The following UPRT variants were observed in gnomAD, a reference collection of about 807,000 sequenced individuals.
The protein encoded by UPRT is uracil phosphoribosyltransferase homolog.
UPRT carries 5 observed loss-of-function variants against 22.6 expected under a neutral mutation model. The observed-to-expected ratio is 0.22, with a 90% CI of 0.12 to 0.47. The LOEUF is 0.47. Ranked by LOEUF, UPRT falls within the 20% of genes least tolerant of loss-of-function variation. The pLI is 0.99. For synonymous variants in UPRT, 77 were observed against 87.7 expected (o/e 0.88, Z 0.68); for missense variants, 181 against 239.9 (o/e 0.75, Z 1.62).
rs1391892039 is a variant in UPRT, at chrX:75,268,957, G to A, written c.-446-22067G>A. Among the ~76,000 whole-genome samples the A allele has an allele frequency of 3.6e-5, 4 of 111,403 alleles. No homozygotes were observed. The Admixed American group carries it at 3.8e-4, about 11-fold the overall frequency. ...TAAAGGGTATTCAAATAGGAACAGA[G>A]GAAGTCAAATTGTCTCCGTCTGCAG... On this transcript the variant is annotated intron_variant, in intron 4 of 13. Transcript: ENST00000652605.
At chrX:75,277,922 C>T (rs182042159) in intron 1 of UPRT, among the ~76,000 whole-genome samples, 2 of 111,374 alleles carry the variant, frequency 1.8e-5, no homozygotes, top group Admixed American at 9.6e-5. Flanking sequence ...TTGTCATCCT[C>T]TCTCACAAGA....
intron 4 of UPRT, among the ~76,000 whole-genome samples, chrX:75,238,817 T>G (rs1479788510): frequency 9.0e-6 from 1 of 111,724 alleles, no homozygotes; most frequent in Non-Finnish European, 1.9e-5. Context: ...TAGGAACCCT[T>G]AAAAGTATAC....
intron 4 of UPRT, among the ~76,000 whole-genome samples, chrX:75,169,313 T>C (rs979952604): frequency 1.2e-4 from 13 of 112,353 alleles, no homozygotes; most frequent in African/African-American, 4.2e-4. Flanking sequence ...GATTGCTGGA[T>C]CAAATGGTAG....
At chrX:75,210,463 A>T (rs2082377365) in intron 4 of UPRT, among the ~76,000 whole-genome samples, 1 of 110,324 alleles carries the variant, frequency 9.1e-6, no homozygotes, top group East Asian at 2.9e-4. Flanking sequence ...GGAGAAGGGA[A>T]CATGAGCTCA....
chrX:75,158,051 C>A (rs1014118758), intron 1 of UPRT, among the ~76,000 whole-genome samples: 10 of 112,042 alleles, frequency 8.9e-5, no homozygotes, highest in African/African-American at 3.2e-4. Context: ...TTATTTTTTT[C>A]CAAAAGTAGT....
chrX:75,234,261 T>C (rs1490779819), intron 4 of UPRT, among the ~76,000 whole-genome samples: 1 of 111,218 alleles, frequency 9.0e-6, no homozygotes, highest in East Asian at 2.8e-4. Context: ...ATGCACCCAA[T>C]ACAGGAGCAC....
intron 4 of UPRT, among the ~76,000 whole-genome samples, chrX:75,173,444 C>G (rs1173436556): frequency 1.8e-5 from 2 of 112,231 alleles, no homozygotes. Flanking sequence ...TTGAGCTAGA[C>G]ACAGGGTGCT....
At chrX:75,278,698 G>C (rs927863163) in intron 1 of UPRT, among the ~76,000 whole-genome samples, 2 of 111,900 alleles carry the variant, frequency 1.8e-5, no homozygotes, top group Non-Finnish European at 3.8e-5. Context: ...TGTGTGAGCT[G>C]TTGAATGCTT....
chrX:75,217,860 T>C (rs1299602156), intron 4 of UPRT, among the ~76,000 whole-genome samples: 1 of 112,078 alleles, frequency 8.9e-6, no homozygotes. Context: ...CTGGATCCCT[T>C]CCTTACACCT....
chrX:75,190,376 G>A, intron 4 of UPRT, among the ~76,000 whole-genome samples: 1 of 111,752 alleles, frequency 8.9e-6, no homozygotes, highest in Middle Eastern at 4.7e-3. Context: ...TTCGTTTGTG[G>A]GTAACCCGAC....
intron 4 of UPRT, among the ~76,000 whole-genome samples, chrX:75,224,042 AT>A (rs988738927): frequency 1.8e-5 from 2 of 110,625 alleles, no homozygotes; most frequent in Non-Finnish European, 3.8e-5. Context: ...TCCTACAGTG[AT>A]TTTTTTTATA....
At chrX:75,258,139 T>G (rs983437259) in intron 4 of UPRT, among the ~76,000 whole-genome samples, 5 of 110,028 alleles carry the variant, frequency 4.5e-5, no homozygotes, top group Non-Finnish European at 7.6e-5. Context: ...GGGCCCTGGG[T>G]TTCAAACACA....
At chrX:75,182,956 T>C (rs2082275755) in intron 4 of UPRT, among the ~76,000 whole-genome samples, 1 of 111,290 alleles carries the variant, frequency 9.0e-6, no homozygotes, top group Non-Finnish European at 1.9e-5. Flanking sequence ...ATTTGAGATC[T>C]TTCTAAATTT....
chrX:75,158,441 T>A (rs1368162177), intron 1 of UPRT, among the ~76,000 whole-genome samples: 5 of 112,310 alleles, frequency 4.5e-5, no homozygotes, highest in Non-Finnish European at 9.4e-5. Context: ...TGTCATACCT[T>A]ATTTCATTTA....
chrX:75,271,525 C>G (rs2082607997), upstream of UPRT, among the ~76,000 whole-genome samples: 1 of 112,166 alleles, frequency 8.9e-6, no homozygotes, highest in Non-Finnish European at 1.9e-5. Flanking sequence ...AATCTAAGAC[C>G]TGAAACTATA....
At chrX:75,201,926 G>A (rs969961688) in intron 4 of UPRT, 2 of 111,458 alleles carry the variant, frequency 1.8e-5, no homozygotes, top group Non-Finnish European at 3.8e-5. Context: ...GGTCTCTATA[G>A]GTGAAGGCTT....
intron 4 of UPRT, among the ~76,000 whole-genome samples, chrX:75,257,084 A>G (rs2082551935): frequency 8.9e-6 from 1 of 112,179 alleles, no homozygotes; most frequent in Non-Finnish European, 1.9e-5. Flanking sequence ...AAGTACAGAC[A>G]GTATCCCTGA....
chrX:75,251,551 T>G (rs1334558096), intron 4 of UPRT, among the ~76,000 whole-genome samples: 6 of 111,126 alleles, frequency 5.4e-5, no homozygotes, highest in Non-Finnish European at 9.4e-5. Flanking sequence ...CACTGCTCAA[T>G]GAAATAAAAG....
At chrX:75,277,930 A>C (rs963019788) in intron 1 of UPRT, among the ~76,000 whole-genome samples, 8 of 111,359 alleles carry the variant, frequency 7.2e-5, no homozygotes, top group African/African-American at 2.3e-4. Flanking sequence ...CTCTCTCACA[A>C]GACCTGTTTT....
Sources: gnomAD v4.1 joint callset for allele counts (sites outside exome capture counted in the v4.1 genomes callset) on GRCh38, gnomAD v4.1.1 for gene constraint, MANE v1.5 for transcripts, NCBI Gene and HGNC (gene_info 2026-07-23, HGNC 2026-07-21) for gene names.